Variants in GSK3B observed in about 807,000 individuals in gnomAD.
GSK3B encodes glycogen synthase kinase 3 beta, also known as glycogen synthase kinase-3 beta.
GSK3B carries 15 observed loss-of-function variants against 56.4 expected under a neutral mutation model. The ratio of observed to expected loss-of-function variants is 0.27; its 90% CI spans 0.18 to 0.41. GSK3B has a LOEUF of 0.41. GSK3B is among the 10% of genes least tolerant of loss of function. The probability of loss-of-function intolerance (pLI) is 1.00; values close to 1 mark genes in which losing one functional copy is unlikely to be tolerated. For missense variants in GSK3B, 300 were observed against 513.4 expected (o/e 0.58, Z 4.02); for synonymous variants, 181 against 188.9 (o/e 0.96, Z 0.34).
chr3:120,007,505 G>A (rs564083509), intron 1 of GSK3B, among the ~76,000 whole-genome samples: 20 of 152,242 alleles, frequency 1.3e-4, no homozygotes, highest in African/African-American at 4.6e-4. Context: ...GAACACTGAT[G>A]CGAAAATCCT....
chr3:120,088,728 G>A (rs932635704), intron 1 of GSK3B, among the ~76,000 whole-genome samples: 1 of 152,124 alleles, frequency 6.6e-6, no homozygotes, highest in African/African-American at 2.4e-5. Flanking sequence ...AACAATATCC[G>A]GGGAACCCGG....
chr3:120,003,755 G>GT (rs2057699432), intron 1 of GSK3B, among the ~76,000 whole-genome samples: 1 of 152,200 alleles, frequency 6.6e-6, no homozygotes, highest in Non-Finnish European at 1.5e-5. Flanking sequence ...ACTTTCATTT[G>GT]TAAGATGGCA....
intron 1 of GSK3B, among the ~76,000 whole-genome samples, chr3:120,015,585 G>A (rs1315363448): frequency 6.9e-6 from 1 of 145,096 alleles, no homozygotes; most frequent in African/African-American, 2.5e-5. Context: ...AGGAGGTGGA[G>A]GTTGCAATAA....
rs994894805 is a variant in GSK3B at position 119,832,938 on chromosome 3, C to G, written c.1196-6083G>C. The G allele has an allele frequency of 1.5e-5, 15 of 968,608 alleles. No homozygotes were observed. The African/African-American group carries it at 2.6e-4, about 17-fold the overall frequency. 60.0% of individuals were successfully genotyped at this position (968,608 alleles called of 1,614,324 possible). ...ATAATTTCTTTTTATAGGACAGGAT[C>G]TACAGCATTTTTTGTTTTGTTTGTT... is the stretch of plus-strand genomic sequence containing the variant. On this transcript the variant is annotated intron_variant, in intron 10 of 10. Coordinates refer to ENST00000264235, the MANE Select transcript of GSK3B (RefSeq NM_001146156.2).
chr3:119,900,710 G>A (rs1012463528), intron 7 of GSK3B, among the ~76,000 whole-genome samples: 1 of 152,042 alleles, frequency 6.6e-6, no homozygotes, highest in Non-Finnish European at 1.5e-5. Flanking sequence ...TTACCTTAAT[G>A]CTGTTATTTT....
intron 8 of GSK3B, chr3:119,866,463 C>T (rs1435961897): frequency 5.5e-6 from 4 of 732,550 alleles, no homozygotes; most frequent in African/African-American, 1.8e-5. Flanking sequence ...AAACAGAAAT[C>T]ACAGCTACTT....
At chr3:119,924,123 C>A (rs1257314436) in intron 3 of GSK3B, among the ~76,000 whole-genome samples, 1 of 152,222 alleles carries the variant, frequency 6.6e-6, no homozygotes, top group Non-Finnish European at 1.5e-5. Flanking sequence ...ACCATACTCA[C>A]AAGCTCATTA....
intron 2 of GSK3B, among the ~76,000 whole-genome samples, chr3:119,996,359 CT>C (rs1343309413): frequency 2.0e-5 from 3 of 152,218 alleles, no homozygotes; most frequent in Middle Eastern, 3.2e-3. Context: ...CCCACTTTCT[CT>C]GTCAATAAGT....
chr3:119,923,560 T>A (rs540722033), intron 3 of GSK3B, 77 bp from the exon 4 acceptor site: 1 of 606,516 alleles, frequency 1.6e-6, no homozygotes, highest in African/African-American at 1.9e-5. Flanking sequence ...TTAGAGTAAA[T>A]TCTCTAGATA....
At chr3:120,065,147 T>C (rs572912931) in intron 1 of GSK3B, among the ~76,000 whole-genome samples, 1 of 152,216 alleles carries the variant, frequency 6.6e-6, no homozygotes, top group African/African-American at 2.4e-5. Context: ...AATTTAAAAC[T>C]TTTGTGCATC....
At position 119,942,918 on chromosome 3, in the gene GSK3B, T is replaced by C. The variant is rs73854747; in HGVS notation, c.366+4350A>G. Among the ~76,000 whole-genome samples the C allele has an allele frequency of 6.3e-3, 964 of 152,296 alleles. 12 individuals carry two copies. Among genetic ancestry groups the C allele is most frequent in the African/African-American group, 0.02 (826 of 41,564 alleles). The stretch of plus-strand genomic sequence containing the variant: ...TTACTCTAAACTAAATCATAGTTAG[T>C]TACTACTGGGTAACATAGAGTATAC... On this transcript the variant is annotated intron_variant, in intron 3 of 10. Transcript: ENST00000264235.
rs77885138 is a variant in GSK3B at position 119,884,889 on chromosome 3, G to A, written c.814-8381C>T. ...ATAAAATGAACATCAACATTATACC[G>A]AATGGGCAAAAACTGGAAGCATTCT... On this transcript the variant is annotated intron_variant, in intron 7 of 10. Transcript: ENST00000264235. Among the ~76,000 whole-genome samples, 883 of 151,904 alleles carry A rather than the reference G, an allele frequency of 5.8e-3. 3 individuals are homozygous for A. The highest frequency in any genetic ancestry group is 0.02 in the African/African-American group (825 of 41,426).
intron 1 of GSK3B, among the ~76,000 whole-genome samples, chr3:120,012,993 T>C (rs1396981436): frequency 6.6e-6 from 1 of 152,158 alleles, no homozygotes; most frequent in Non-Finnish European, 1.5e-5. Context: ...CAGTCTAGAA[T>C]ACAATTTTTA....
chr3:120,078,459 G>A (rs1010594730), intron 1 of GSK3B, among the ~76,000 whole-genome samples: 3 of 151,810 alleles, frequency 2.0e-5, no homozygotes, highest in African/African-American at 4.8e-5. Context: ...TGACAAATAC[G>A]ACAAACACAC....
intron 7 of GSK3B, among the ~76,000 whole-genome samples, chr3:119,885,890 A>G (rs1383815755): frequency 6.6e-6 from 1 of 152,144 alleles, no homozygotes; most frequent in East Asian, 1.9e-4. Flanking sequence ...CCATATACAA[A>G]AAGTGACTCA....
At chr3:119,934,457 A>G (rs1440250267) in intron 3 of GSK3B, among the ~76,000 whole-genome samples, 1 of 152,194 alleles carries the variant, frequency 6.6e-6, no homozygotes, top group East Asian at 1.9e-4. Flanking sequence ...AGATCATCAA[A>G]ACCAAGGAAA....
At chr3:120,002,348 T>TA (rs201267724) in intron 1 of GSK3B, 109 bp from the exon 2 acceptor site, 10 of 537,390 alleles carry the variant, frequency 1.9e-5, no homozygotes, top group Non-Finnish European at 2.9e-5. Context: ...TATTTTATTT[T>TA]TTTTTTTGAG....
intron 1 of GSK3B, among the ~76,000 whole-genome samples, chr3:120,027,624 A>T (rs888586124): frequency 4.0e-4 from 61 of 152,194 alleles, no homozygotes; most frequent in African/African-American, 1.4e-3. Flanking sequence ...AGCACTCATT[A>T]AAATTACATT....
At chr3:119,847,623 A>G (rs1375230130) in intron 9 of GSK3B, among the ~76,000 whole-genome samples, 1 of 152,226 alleles carries the variant, frequency 6.6e-6, no homozygotes, top group East Asian at 1.9e-4. Context: ...GATATATAAC[A>G]AAGGCATTAT....
Sources: allele counts gnomAD v4.1 joint callset (sites outside exome capture counted in the v4.1 genomes callset), GRCh38; gene constraint gnomAD v4.1.1; transcripts MANE v1.5; gene names NCBI Gene and HGNC (gene_info 2026-07-23, HGNC 2026-07-21).